The following FBN3 variants were observed in gnomAD, a reference collection of about 807,000 sequenced individuals.
FBN3 encodes fibrillin-3.
Under a neutral mutation model 330.1 loss-of-function variants are expected in FBN3, and 234 were observed. The ratio of observed to expected loss-of-function variants is 0.71; its 90% CI spans 0.64 to 0.79. The LOEUF (loss-of-function observed/expected upper bound fraction) is 0.79, where lower values mean the gene tolerates loss of function less well. Among genes scored for constraint, FBN3 ranks in the 30% least tolerant of loss-of-function variants. FBN3 has a pLI of 0.00. For missense variants in FBN3, 3,606 were observed against 3,886.9 expected (o/e 0.93, Z 1.92); for synonymous variants, 1,458 against 1,517.3 (o/e 0.96, Z 0.91).
Position 8,123,821 on chromosome 19 carries a change from G to T in FBN3, c.2919C>A (p.Ala973=). Reference sequence around the variant, plus strand: ...GTCGGCCAGACAGGAAGTCCCGGCTGGCGAAGCCCAGCCCCCGCGGGCACA... The same window carrying T: ...GTCGGCCAGACAGGAAGTCCCGGCTTGCGAAGCCCAGCCCCCGCGGGCACA... ...ASLCPRGLGF[A]SRDFLSGRPF... The change falls in exon 23 of 64, where the codon GCC becomes GCA. Residue 973 remains alanine (A), a synonymous_variant. Coordinates refer to ENST00000600128, the MANE Select transcript of FBN3 (RefSeq NM_032447.5). 1 of 1,613,174 alleles carries T rather than the reference G, an allele frequency of 6.2e-7. No homozygotes were observed. The highest frequency in any genetic ancestry group is 8.5e-7 in the Non-Finnish European group (1 of 1,179,906).
At chr19:8,076,076 GTC>G (rs1433624286) in intron 59 of FBN3, among the ~76,000 whole-genome samples, 1 of 152,176 alleles carries the variant, frequency 6.6e-6, no homozygotes, top group Non-Finnish European at 1.5e-5. Context: ...AGCTTGCTCT[GTC>G]TCTGCCAAGT....
rs201951745 is a variant in FBN3, at chr19:8,126,879, C to T, written c.2297-47G>A. On this transcript the variant is annotated intron_variant, in intron 18 of 63. Coordinates refer to ENST00000600128, the MANE Select transcript of FBN3 (RefSeq NM_032447.5). The stretch of plus-strand genomic sequence containing the variant: ...AGGTCCTGAGCTGCAGGAGGAGTTG[C>T]CTTACCTGGCCAGGACCCCTCCTCC... 2,893 of 1,509,968 alleles carry T rather than the reference C, an allele frequency of 1.9e-3. 4 individuals carry two copies. Among genetic ancestry groups the T allele is most frequent in the Non-Finnish European group, 2.4e-3 (2,680 of 1,129,750 alleles). The allele number at this position is 1,509,968 out of a possible 1,614,324, so 93.5% of individuals were successfully genotyped here. A position where few individuals can be genotyped will look rare whatever the true frequency, so the allele number is the denominator to read the frequency against.
In FBN3 at chr19:8,141,994, G is replaced by C. The variant is rs376419533; in HGVS notation, c.685C>G (p.Pro229Ala). The C allele has an allele frequency of 6.2e-7, 1 of 1,614,248 alleles. No individual in the cohort carries two copies. Among genetic ancestry groups the C allele is most frequent in the Non-Finnish European group, 8.5e-7 (1 of 1,180,046 alleles). Residue 229 changes from proline (P) to alanine (A), a missense_variant, in exon 7 of 64, where the codon CCA (proline) becomes GCA (alanine). Coordinates refer to ENST00000600128, the MANE Select transcript of FBN3 (RefSeq NM_032447.5). ...GLPCELCPAQ[P>A]HPCRRGFIPN... ...ATGAAGCCGCGGCGGCAGGGGTGTG[G>C]CTGTGCAGGGCAAAGTTCACATGGA...
intron 63 of FBN3, among the ~76,000 whole-genome samples, chr19:8,071,178 T>C (rs2081503978): frequency 1.3e-5 from 2 of 152,182 alleles, no homozygotes; most frequent in African/African-American, 4.8e-5. Context: ...GCTGCAGGAC[T>C]GACCCATAGT....
chr19:8,071,948 CCTT>C (rs1224595802), intron 63 of FBN3, 97 bp downstream of exon 63: 2 of 1,239,120 alleles, frequency 1.6e-6, no homozygotes, highest in Admixed American at 2.3e-5. Context: ...GCCTGGTGCT[CCTT>C]CTTGGGGGGG....
Position 8,106,214 on chromosome 19 carries a change from C to T in FBN3, c.4707G>A (p.Glu1569=). 1 of 1,614,178 alleles carries T rather than the reference C, an allele frequency of 6.2e-7. No individual in the cohort carries two copies. The highest frequency in any genetic ancestry group is 8.5e-7 in the Non-Finnish European group (1 of 1,180,034). The change falls in exon 38 of 64, where the codon GAG becomes GAA. Residue 1569 remains glutamate (E), a synonymous_variant. Transcript: ENST00000600128. The part of the protein sequence containing the change: ...VILEDIDECQ[E]LPGLCQGGDC... ...CACCCCCCTGACACAGCCCTGGCAG[C>T]TCTTGGCACTCGTCGATGTCTGTCA...
rs76529106 is a variant in FBN3 at position 8,086,120 on chromosome 19, A to G, written c.6880+80T>C. 6.7e-4 allele frequency: 525 copies of G among 782,114 alleles called. 1 individual carries two copies. Among genetic ancestry groups the G allele is most frequent in the African/African-American group, 5.0e-3 (112 of 22,512 alleles). 48.4% of individuals were successfully genotyped at this position (782,114 alleles called of 1,614,324 possible). ...AGTGAAGGGGGCAGGCAGTGGGGGGAACAGGCAGTGGGGGGGGACAGGCAG... is the reference window on the plus strand; with the variant it reads ...AGTGAAGGGGGCAGGCAGTGGGGGGGACAGGCAGTGGGGGGGGACAGGCAG... On this transcript the variant is annotated intron_variant, in intron 55 of 63. Transcript: ENST00000600128.
intron 8 of FBN3, among the ~76,000 whole-genome samples, chr19:8,139,521 G>A (rs920933455): frequency 2.0e-5 from 3 of 151,954 alleles, no homozygotes; most frequent in African/African-American, 7.3e-5. Flanking sequence ...ACCCCAGTGG[G>A]ATACCAGGCA....
chr19:8,121,325 C>A lies in FBN3; in HGVS notation c.3144G>T (p.Pro1048=). The change falls in exon 25 of 64, where the codon CCG becomes CCT. Residue 1048 remains proline (P), a synonymous_variant. Coordinates refer to ENST00000600128, the MANE Select transcript of FBN3 (RefSeq NM_032447.5). This position sits in a 1 kb window ranked among gnomAD's most constrained non-coding sequence, Gnocchi z 4.5. ...GAAAACACTCGCACTCAAAGCTGCC[C>A]GGCGTGTTGACACAGGTGCCCTGGC... ...LCGQGTCVNT[P]GSFECECFPG... 1 of 1,613,386 alleles carries A rather than the reference C, an allele frequency of 6.2e-7. No homozygotes were observed. The highest frequency in any genetic ancestry group is 1.1e-5 in the South Asian group (1 of 90,992).
intron 48 of FBN3, 37 bp from the exon 49 acceptor site, chr19:8,090,288 C>G (rs374465438): frequency 1.7e-5 from 28 of 1,610,594 alleles, no homozygotes; most frequent in Non-Finnish European, 2.3e-5. Flanking sequence ...GATTGAAAGC[C>G]GCTGGCAGTG....
chr19:8,120,165 C>CTTTTTTTTT (rs34799960), intron 25 of FBN3, among the ~76,000 whole-genome samples: 14 of 127,900 alleles, frequency 1.1e-4, no homozygotes, highest in African/African-American at 2.4e-4. Context: ...TTCTTTCTTT[C>CTTTTTTTTT]TTTTTTTTTT....
chr19:8,103,669 G>A lies in FBN3; in HGVS notation c.4832C>T (p.Thr1611Ile). The change falls in exon 39 of 64, where the codon ACA becomes ATA. Residue 1611 changes from threonine (T) to isoleucine (I), a missense_variant. Thr to Ile is a moderately conservative substitution (Grantham distance 89). Transcript: ENST00000600128. ...GCCAGGGCCACAGATGCCGGAGTGT[G>A]TGGAGCATTCGTCAATATCTGCAGG... ...RICEDIDECS[T>I]HSGICGPGTC... is the part of the protein sequence containing the mutation. 6.2e-7 allele frequency: 1 copy of A among 1,613,594 alleles called. No individual in the cohort carries two copies. The highest frequency in any genetic ancestry group is 1.1e-5 in the South Asian group (1 of 91,074).
chr19:8,135,435 G>A (rs765079222), intron 13 of FBN3, among the ~76,000 whole-genome samples: 1 of 151,820 alleles, frequency 6.6e-6, no homozygotes, highest in Non-Finnish European at 1.5e-5. Flanking sequence ...CTGCCACCAC[G>A]CCCAGCTAAT....
intron 31 of FBN3, 73 bp from the exon 32 acceptor site, chr19:8,111,843 C>G: frequency 6.4e-7 from 1 of 1,572,980 alleles, no homozygotes; most frequent in South Asian, 1.2e-5. Context: ...GAGAAAGACC[C>G]ATCAACCCTC....
intron 13 of FBN3, 25 bp downstream of exon 13, chr19:8,135,936 G>GCTCCCCCCCCCC: frequency 3.0e-6 from 2 of 668,778 alleles, no homozygotes; most frequent in South Asian, 1.6e-5. Context: ...GGAAGCCCCT[G>GCTCCCCCCCCCC]CCCACCCGCC....
Sources: gnomAD v4.1 joint callset for allele counts (sites outside exome capture counted in the v4.1 genomes callset) on GRCh38, gnomAD v4.1.1 for gene constraint, Gnocchi (gnomAD v3.1) non-coding constraint, MANE v1.5 for transcripts, NCBI Gene and HGNC (gene_info 2026-07-23, HGNC 2026-07-21) for gene names.